MALT1: variants seen among roughly 807,000 people sequenced by gnomAD.
The protein encoded by MALT1 is MALT1 paracaspase.
Under a neutral mutation model 85.5 loss-of-function variants are expected in MALT1, and 36 were observed. The ratio of observed to expected loss-of-function variants is 0.42; its 90% CI spans 0.32 to 0.56. The LOEUF (loss-of-function observed/expected upper bound fraction) is 0.56, where lower values mean the gene tolerates loss of function less well. Among genes scored for constraint, MALT1 ranks in the 20% least tolerant of loss-of-function variants. The pLI, the probability that MALT1 is intolerant of heterozygous loss-of-function variation, is 0.10. For missense variants in MALT1, 716 were observed against 981.6 expected (o/e 0.73, Z 3.62); for synonymous variants, 359 against 361.3 (o/e 0.99, Z 0.07).
At chr18:58,703,572 A>G (rs2054704767) in intron 4 of MALT1, among the ~76,000 whole-genome samples, 1 of 152,174 alleles carries the variant, frequency 6.6e-6, no homozygotes, top group Admixed American at 6.5e-5. Flanking sequence ...CATGTCTTAC[A>G]TGGTGGCAGG....
At chr18:58,673,695 C>T (rs1025263503) in intron 1 of MALT1, among the ~76,000 whole-genome samples, 8 of 152,200 alleles carry the variant, frequency 5.3e-5, no homozygotes, top group Non-Finnish European at 1.2e-4. Flanking sequence ...GTGATCCAGC[C>T]GCCTCAGTCT....
At chr18:58,676,939 T>G (rs984308191) in intron 1 of MALT1, among the ~76,000 whole-genome samples, 2 of 152,278 alleles carry the variant, frequency 1.3e-5, no homozygotes, top group African/African-American at 4.8e-5. Context: ...CCCTAAAGGG[T>G]GTATAATACA....
chr18:58,702,658 T>C lies in MALT1; in HGVS notation c.649+2067T>C, dbSNP rs191241722. Among the ~76,000 whole-genome samples, 243 of 152,354 alleles carry C rather than the reference T, an allele frequency of 1.6e-3. 1 individual carries two copies. Among genetic ancestry groups the C allele is most frequent in the Admixed American group, 3.1e-3 (47 of 15,306 alleles). On this transcript the variant is annotated intron_variant, in intron 4 of 16. Coordinates refer to ENST00000649217, the MANE Select transcript of MALT1 (RefSeq NM_006785.4). Reference sequence around the variant, plus strand: ...CTTGCTGCTCACTTTTCAATTCTTTTCCATAATGCGTATTTTTCTCCCAAA... The same window carrying C: ...CTTGCTGCTCACTTTTCAATTCTTTCCCATAATGCGTATTTTTCTCCCAAA...
intron 2 of MALT1, among the ~76,000 whole-genome samples, chr18:58,685,468 A>G (rs2054388447): frequency 6.6e-6 from 1 of 152,204 alleles, no homozygotes; most frequent in Non-Finnish European, 1.5e-5. Context: ...GAAACTGACC[A>G]AGTTTCTTTT....
At chr18:58,721,650 G>A (rs2054985054) in intron 9 of MALT1, among the ~76,000 whole-genome samples, 1 of 152,054 alleles carries the variant, frequency 6.6e-6, no homozygotes, top group Non-Finnish European at 1.5e-5. Context: ...ATTGATGCTA[G>A]TTTTAACACT....
At chr18:58,672,697 T>A (rs569107527) in intron 1 of MALT1, 108 of 152,314 alleles carry the variant, frequency 7.1e-4, no homozygotes, top group African/African-American at 2.4e-3. Flanking sequence ...AAACAAATTT[T>A]CCAAAACAAA....
chr18:58,682,883 A>G (rs543729087), intron 2 of MALT1, among the ~76,000 whole-genome samples: 27 of 152,290 alleles, frequency 1.8e-4, no homozygotes, highest in African/African-American at 6.0e-4. Context: ...TAAATGCCCT[A>G]TGAATTTGAT....
intron 7 of MALT1, 35 bp downstream of exon 7, chr18:58,710,988 T>A (rs745477064): frequency 6.7e-7 from 1 of 1,500,570 alleles, no homozygotes; most frequent in South Asian, 1.3e-5. Context: ...CCAAATCTCC[T>A]GCATGCTAGT....
rs892379204 is a variant in MALT1 at position 58,733,704 on chromosome 18, A to G, written c.1400+130A>G. 48 of 816,604 alleles carry G rather than the reference A, an allele frequency of 5.9e-5. No individual in the cohort carries two copies. In the African/African-American group the frequency reaches 7.8e-4, roughly 13 times the overall value. 50.6% of individuals were successfully genotyped at this position (816,604 alleles called of 1,614,324 possible). A position where few individuals can be genotyped will look rare whatever the true frequency, so the allele number is the denominator to read the frequency against. Reference sequence around the variant, plus strand: ...TAGTTTATACATTGAAACTGGAAGAACAAAACTAGAGGAAAATACATTTAC... The same window carrying G: ...TAGTTTATACATTGAAACTGGAAGAGCAAAACTAGAGGAAAATACATTTAC... On this transcript the variant is annotated intron_variant, in intron 11 of 16. Coordinates refer to ENST00000649217, the MANE Select transcript of MALT1 (RefSeq NM_006785.4).
chr18:58,734,448 T>C (rs1219833378), intron 12 of MALT1, 67 bp downstream of exon 12: 1 of 1,281,234 alleles, frequency 7.8e-7, no homozygotes, highest in Non-Finnish European at 1.1e-6. Context: ...TTTTGCTTTT[T>C]AGGAGCAGGG....
chr18:58,708,337 G>C (rs1228001711), intron 4 of MALT1, among the ~76,000 whole-genome samples: 1 of 152,214 alleles, frequency 6.6e-6, no homozygotes, highest in Admixed American at 6.5e-5. Flanking sequence ...ATGCCCACTA[G>C]GGGTGACCAG....
At chr18:58,727,753 A>C (rs1437389544) in intron 10 of MALT1, among the ~76,000 whole-genome samples, 2 of 151,896 alleles carry the variant, frequency 1.3e-5, no homozygotes, top group African/African-American at 2.4e-5. Context: ...AGCCAGCAGT[A>C]GATTATAGAG....
At chr18:58,710,826 AT>A (rs11334706) in intron 6 of MALT1, 94 bp from the exon 7 acceptor site, 105,148 of 760,754 alleles carry the variant, frequency 0.14, 9,236 homozygotes, top group African/African-American at 0.33. Flanking sequence ...GTTTGCCAAC[AT>A]TATCTCTATG....
chr18:58,679,639 C>T (rs1021978030), intron 1 of MALT1, among the ~76,000 whole-genome samples: 6 of 152,210 alleles, frequency 3.9e-5, no homozygotes, highest in South Asian at 4.1e-4. Flanking sequence ...CTGCAATCTC[C>T]GCCTCCTGGG....
Position 58,747,520 on chromosome 18 carries a change from A to G in MALT1, c.2153A>G (p.His718Arg). 1 of 1,614,172 alleles carries G rather than the reference A, an allele frequency of 6.2e-7. No individual in the cohort carries two copies. Among genetic ancestry groups the G allele is most frequent in the South Asian group, 1.1e-5 (1 of 91,082 alleles). Residue 718 changes from histidine to arginine, a missense_variant, in exon 17 of 17, where the codon CAT (histidine) becomes CGT (arginine). This residue lies in a region of MALT1 where 260 missense variants were observed against 323.7 expected (regional missense o/e 0.80). Coordinates refer to ENST00000649217, the MANE Select transcript of MALT1 (RefSeq NM_006785.4). ...CCTCTCATTGCTAAATTAGACATGC[A>G]TCGAGGTTTGGGAAGGAAGACTTGC... ...GKPLIAKLDM[H>R]RGLGRKTCFQ...
At chr18:58,726,845 C>T (rs2055062012) in intron 10 of MALT1, among the ~76,000 whole-genome samples, 1 of 152,132 alleles carries the variant, frequency 6.6e-6, no homozygotes. Context: ...GGAGTCTTGT[C>T]GGAATATGGC....
intron 2 of MALT1, among the ~76,000 whole-genome samples, chr18:58,689,292 T>C (rs1217849553): frequency 6.6e-6 from 1 of 152,200 alleles, no homozygotes; most frequent in East Asian, 1.9e-4. Flanking sequence ...GAGTTTAATT[T>C]ACCCCAGGTA....
intron 10 of MALT1, among the ~76,000 whole-genome samples, chr18:58,727,626 T>G (rs1455641095): frequency 9.5e-5 from 12 of 125,926 alleles, no homozygotes; most frequent in Admixed American, 7.7e-4. Flanking sequence ...GTTTTTTTTT[T>G]TGTTTTTTTT....
intron 4 of MALT1, among the ~76,000 whole-genome samples, chr18:58,708,122 C>T (rs1036445484): frequency 2.6e-5 from 4 of 152,220 alleles, no homozygotes; most frequent in Admixed American, 2.6e-4. Context: ...CTGAGGGCCT[C>T]GTGGGCCTCC....
Sources: allele counts gnomAD v4.1 joint callset (sites outside exome capture counted in the v4.1 genomes callset), GRCh38; gene constraint gnomAD v4.1.1; regional missense constraint gnomAD v4.1.1; transcripts MANE v1.5; gene names NCBI Gene and HGNC (gene_info 2026-07-23, HGNC 2026-07-21).